KLF15: variants seen among roughly 807,000 people sequenced by gnomAD.
KLF15 encodes KLF transcription factor 15.
In KLF15, 4 loss-of-function variants were observed where a neutral mutation model predicts 24.6. That is an observed-to-expected ratio of 0.16 (90% confidence interval 0.08 to 0.37). The LOEUF is 0.37. Ranked by LOEUF, KLF15 falls within the 10% of genes least tolerant of loss-of-function variation. The pLI is 1.00. For synonymous variants in KLF15, 246 were observed against 236.3 expected (o/e 1.04, Z -0.37); for missense variants, 496 against 560.6 (o/e 0.88, Z 1.16).
At chr3:126,311,750 T>C in the KLF15 span, among the ~76,000 whole-genome samples, 1 of 152,200 alleles carries the variant, frequency 6.6e-6, no homozygotes, top group South Asian at 2.1e-4. Context: ...CATGACTGTA[T>C]AGCTCCCCTC....
chr3:126,299,949 C>T, the KLF15 span, among the ~76,000 whole-genome samples: 29 of 152,088 alleles, frequency 1.9e-4, no homozygotes, highest in Admixed American at 1.0e-3. Context: ...TTTGAGCCCC[C>T]GGTCTTTGCT....
the KLF15 span, among the ~76,000 whole-genome samples, chr3:126,332,294 C>A: frequency 2.7e-5 from 4 of 148,514 alleles, no homozygotes; most frequent in African/African-American, 7.4e-5. Flanking sequence ...CTGGGAGGCA[C>A]CCCCCAGCAG....
intron 2 of KLF15, among the ~76,000 whole-genome samples, chr3:126,348,267 T>C (rs2082552435): frequency 6.6e-6 from 1 of 152,204 alleles, no homozygotes; most frequent in Non-Finnish European, 1.5e-5. Flanking sequence ...GCCTACTAAT[T>C]TTGAGAATTA....
At chr3:126,346,491 A>C (rs1384888321) in intron 2 of KLF15, among the ~76,000 whole-genome samples, 2 of 152,136 alleles carry the variant, frequency 1.3e-5, no homozygotes, top group East Asian at 3.9e-4. Context: ...TCATTCATCC[A>C]ATGAAGACTC....
the KLF15 span, among the ~76,000 whole-genome samples, chr3:126,289,388 A>G: frequency 6.6e-6 from 1 of 152,254 alleles, no homozygotes; most frequent in Non-Finnish European, 1.5e-5. Context: ...AATTCCAGGC[A>G]GGGAGAAAAT....
At chr3:126,289,162 T>G in the KLF15 span, among the ~76,000 whole-genome samples, 3 of 152,202 alleles carry the variant, frequency 2.0e-5, no homozygotes, top group Admixed American at 1.3e-4. Flanking sequence ...CTTCTTACCA[T>G]TTGCAAGAAT....
chr3:126,317,934 A>G, the KLF15 span, among the ~76,000 whole-genome samples: 12 of 152,302 alleles, frequency 7.9e-5, 1 homozygote, highest in East Asian at 2.3e-3. Context: ...TGCCGCCACT[A>G]ACATACGTTG....
chr3:126,331,708 G>A, the KLF15 span, among the ~76,000 whole-genome samples: 23 of 152,316 alleles, frequency 1.5e-4, no homozygotes, highest in East Asian at 1.9e-4. Flanking sequence ...CTGAGGTACC[G>A]GGTTTATCTC....
At chr3:126,302,901 T>C in the KLF15 span, among the ~76,000 whole-genome samples, 6 of 152,252 alleles carry the variant, frequency 3.9e-5, no homozygotes, top group South Asian at 1.0e-3. Flanking sequence ...ATTGAATGTA[T>C]TTATTGATAT....
the KLF15 span, among the ~76,000 whole-genome samples, chr3:126,330,260 C>A: frequency 6.6e-6 from 1 of 152,194 alleles, no homozygotes; most frequent in Non-Finnish European, 1.5e-5. Context: ...GACTCCCAGC[C>A]AACCCACAGG....
intron 2 of KLF15, among the ~76,000 whole-genome samples, chr3:126,345,477 A>G (rs2082527951): frequency 6.6e-6 from 1 of 152,202 alleles, no homozygotes; most frequent in East Asian, 1.9e-4. Context: ...GCATGCACGC[A>G]CACACACACG....
the KLF15 span, among the ~76,000 whole-genome samples, chr3:126,332,091 T>C: frequency 6.6e-6 from 1 of 152,104 alleles, no homozygotes; most frequent in Admixed American, 6.5e-5. Flanking sequence ...GGCCTGCCTG[T>C]CTCTGTAGGC....
At chr3:126,353,835 C>T (rs2082608436) in intron 1 of KLF15, among the ~76,000 whole-genome samples, 1 of 152,206 alleles carries the variant, frequency 6.6e-6, no homozygotes, top group Non-Finnish European at 1.5e-5. Flanking sequence ...TGGTGATAAT[C>T]CGTGGAGTGG....
chr3:126,316,004 T>C, the KLF15 span, among the ~76,000 whole-genome samples: 1 of 152,306 alleles, frequency 6.6e-6, no homozygotes, highest in East Asian at 1.9e-4. Flanking sequence ...AGCCGCACTC[T>C]AGAGTCAAAT....
the KLF15 span, among the ~76,000 whole-genome samples, chr3:126,328,246 C>A: frequency 6.6e-6 from 1 of 152,186 alleles, no homozygotes; most frequent in East Asian, 1.9e-4. Flanking sequence ...TAGGTCACTG[C>A]AAATGCTGTT....
At position 126,345,015 on chromosome 3, in the gene KLF15, C is replaced by T. The variant is rs147106043; in HGVS notation, c.1083-1120G>A. 3.1e-3 allele frequency among the ~76,000 whole-genome samples: 468 copies of T among 152,244 alleles called. 1 individual carries two copies. Among genetic ancestry groups the T allele is most frequent in the African/African-American group, 0.011 (452 of 41,550 alleles). On this transcript the variant is annotated intron_variant, in intron 2 of 2. Coordinates refer to ENST00000296233, the MANE Select transcript of KLF15 (RefSeq NM_014079.4). ...CTACCCCTCCCACGACACACTATCC[C>T]GCTCTGTGCTCCACCTGCATTGACC...
chr3:126,343,680 TG>T lies in KLF15; in HGVS notation c.*46del, dbSNP rs539255037. On this transcript the variant is annotated 3_prime_UTR_variant, in exon 3 of 3. Coordinates refer to ENST00000296233, the MANE Select transcript of KLF15 (RefSeq NM_014079.4). ...AAATTATTGCTTAAAAAAATGGGGA[TG>T]GGGTGGGGATCCGGGGTGACGGACA... 816 of 1,542,262 alleles carry T rather than the reference TG, an allele frequency of 5.3e-4. No individual in the cohort carries two copies. The highest frequency in any genetic ancestry group is 6.9e-4 in the Non-Finnish European group (785 of 1,140,578).
Position 126,343,152 on chromosome 3 carries a change from G to GCCCCCCCCCCC in KLF15, c.*564_*574dup, listed in dbSNP as rs576384165. ...CATGAGGGCCCAGCGGCCCGGTCCT[G>GCCCCCCCCCCC]CCCCCCCCCCCCCCCCCCCCCCCCC... On this transcript the variant is annotated 3_prime_UTR_variant, in exon 3 of 3. Coordinates refer to ENST00000296233, the MANE Select transcript of KLF15 (RefSeq NM_014079.4). 8.4e-5 allele frequency: 1 copy of GCCCCCCCCCCC among 11,904 alleles called. No individual in the cohort carries two copies. Among genetic ancestry groups the GCCCCCCCCCCC allele is most frequent in the Non-Finnish European group, 1.4e-4 (1 of 6,998 alleles). 0.7% of individuals were successfully genotyped at this position (11,904 alleles called of 1,614,324 possible).
At chr3:126,329,376 C>T in the KLF15 span, among the ~76,000 whole-genome samples, 1 of 152,120 alleles carries the variant, frequency 6.6e-6, no homozygotes, top group Admixed American at 6.5e-5. Context: ...CCCAGCTACT[C>T]AGGAAGCTGA....
Sources: gnomAD v4.1 joint callset for allele counts (sites outside exome capture counted in the v4.1 genomes callset) on GRCh38, gnomAD v4.1.1 for gene constraint, MANE v1.5 for transcripts, NCBI Gene and HGNC (gene_info 2026-07-23, HGNC 2026-07-21) for gene names.